Variants in SAMD5 observed in about 807,000 individuals in gnomAD.
SAMD5 encodes sterile alpha motif domain-containing protein 5.
SAMD5 carries 13 observed loss-of-function variants against 11.3 expected under a neutral mutation model. The observed-to-expected ratio is 1.15, with a 90% confidence interval of 0.75 to 1.83. SAMD5 has a LOEUF of 1.83. Among genes scored for constraint, SAMD5 ranks in the 40% most tolerant of loss-of-function variants. The pLI is 0.00. For synonymous variants in SAMD5, 129 were observed against 111.3 expected, an observed-to-expected ratio of 1.16 and a Z score of -1.00; for missense variants, 255 against 239.1, an observed-to-expected ratio of 1.07 and a Z score of -0.44.
intron 1 of SAMD5, among the ~76,000 whole-genome samples, chr6:147,632,501 G>A (rs1484867196): frequency 2.0e-5 from 3 of 152,164 alleles, no homozygotes; most frequent in Non-Finnish European, 4.4e-5. Context: ...TGGAAGTTAT[G>A]AGAACTGTAG....
At chr6:147,800,904 A>G in the SAMD5 span, among the ~76,000 whole-genome samples, 1 of 152,150 alleles carries the variant, frequency 6.6e-6, no homozygotes, top group Non-Finnish European at 1.5e-5. Flanking sequence ...ACCTTATTGA[A>G]ATAAAGTAAA....
At chr6:147,854,174 T>C in the SAMD5 span, among the ~76,000 whole-genome samples, 1 of 151,912 alleles carries the variant, frequency 6.6e-6, no homozygotes, top group Non-Finnish European at 1.5e-5. Flanking sequence ...AAAGAGAAAG[T>C]AGGAATTTCC....
At chr6:147,781,786 A>ATG in the SAMD5 span, among the ~76,000 whole-genome samples, 1 of 147,670 alleles carries the variant, frequency 6.8e-6, no homozygotes, top group Non-Finnish European at 1.5e-5. Flanking sequence ...ACACACACAC[A>ATG]CACACACACA....
chr6:147,646,498 A>T (rs1790403819), intron 1 of SAMD5, among the ~76,000 whole-genome samples: 1 of 152,170 alleles, frequency 6.6e-6, no homozygotes, highest in African/African-American at 2.4e-5. Context: ...AATAATATCC[A>T]GCTTGATACA....
chr6:147,653,489 G>T (rs1250828763), intron 1 of SAMD5, among the ~76,000 whole-genome samples: 2 of 152,150 alleles, frequency 1.3e-5, no homozygotes, highest in Non-Finnish European at 2.9e-5. Flanking sequence ...TCTTAATTAT[G>T]CTTTATATAT....
the SAMD5 span, among the ~76,000 whole-genome samples, chr6:147,921,873 C>A: frequency 3.9e-5 from 6 of 152,096 alleles, no homozygotes; most frequent in Non-Finnish European, 8.8e-5. Flanking sequence ...AAGGGAGAAT[C>A]ATTTTGAAAA....
At chr6:147,795,222 C>T in the SAMD5 span, among the ~76,000 whole-genome samples, 1 of 123,598 alleles carries the variant, frequency 8.1e-6, no homozygotes, top group Admixed American at 8.3e-5. Flanking sequence ...CCCCTCCCCC[C>T]ACCCCACAAC....
intron 1 of SAMD5, among the ~76,000 whole-genome samples, chr6:147,590,752 C>T (rs183294938): frequency 6.6e-6 from 1 of 152,284 alleles, no homozygotes; most frequent in African/African-American, 2.4e-5. Flanking sequence ...GAATGATTGA[C>T]TTCTTTATTG....
At chr6:147,908,488 C>T in the SAMD5 span, among the ~76,000 whole-genome samples, 1 of 152,314 alleles carries the variant, frequency 6.6e-6, no homozygotes, top group South Asian at 2.1e-4. Flanking sequence ...TGAACCTAAC[C>T]TAACGTGGTG....
At chr6:147,901,593 C>T in the SAMD5 span, among the ~76,000 whole-genome samples, 2 of 146,028 alleles carry the variant, frequency 1.4e-5, no homozygotes, top group Non-Finnish European at 3.0e-5. Context: ...CTATTATACT[C>T]AGGGTAGCCA....
chr6:147,515,877 A>G (rs1788163534), intron 1 of SAMD5, among the ~76,000 whole-genome samples: 1 of 152,228 alleles, frequency 6.6e-6, no homozygotes, highest in East Asian at 1.9e-4. Flanking sequence ...AAAGATAATG[A>G]ATGATGAAAT....
chr6:147,681,815 C>G (rs1790944320), intron 1 of SAMD5, among the ~76,000 whole-genome samples: 1 of 152,166 alleles, frequency 6.6e-6, no homozygotes, highest in South Asian at 2.1e-4. Flanking sequence ...CAGAACTCTT[C>G]TGAGCACTGA....
the SAMD5 span, among the ~76,000 whole-genome samples, chr6:147,944,907 T>C: frequency 7.4e-4 from 113 of 152,320 alleles, no homozygotes; most frequent in East Asian, 0.016. Flanking sequence ...TGTTGATCCA[T>C]TGTTCCAGCC....
chr6:147,730,933 CAA>C (rs1384477024), intron 1 of SAMD5, among the ~76,000 whole-genome samples: 2 of 152,126 alleles, frequency 1.3e-5, no homozygotes, highest in South Asian at 2.1e-4. Context: ...AGAGTAGACT[CAA>C]GAGAATATGA....
At chr6:147,814,822 T>TA in the SAMD5 span, among the ~76,000 whole-genome samples, 5 of 152,294 alleles carry the variant, frequency 3.3e-5, no homozygotes, top group East Asian at 7.7e-4. Context: ...TATCAGTGTT[T>TA]AGTAGTAAAT....
At chr6:147,871,377 T>C in the SAMD5 span, among the ~76,000 whole-genome samples, 1,776 of 152,312 alleles carry the variant, frequency 0.012, 17 homozygotes, top group Non-Finnish European at 0.018. Context: ...AATTTACCAT[T>C]GTACCTCTCT....
downstream of SAMD5, among the ~76,000 whole-genome samples, chr6:147,740,414 T>G (rs1486743756): frequency 6.6e-6 from 1 of 152,206 alleles, no homozygotes; most frequent in African/African-American, 2.4e-5. Context: ...TTTGAATTGA[T>G]CTCCCACTAC....
At chr6:147,774,370 C>T in the SAMD5 span, among the ~76,000 whole-genome samples, 1 of 152,070 alleles carries the variant, frequency 6.6e-6, no homozygotes, top group African/African-American at 2.4e-5. Flanking sequence ...TACAATTGTC[C>T]CTTGATATCC....
At chr6:147,926,544 T>C in the SAMD5 span, among the ~76,000 whole-genome samples, 11 of 152,028 alleles carry the variant, frequency 7.2e-5, no homozygotes, top group Middle Eastern at 3.2e-3. Flanking sequence ...TCTTGTAAAT[T>C]TTTAAGTTCC....
Sources: allele counts gnomAD v4.1 joint callset (sites outside exome capture counted in the v4.1 genomes callset), GRCh38; gene constraint gnomAD v4.1.1; transcripts MANE v1.5; gene names NCBI Gene and HGNC (gene_info 2026-07-23, HGNC 2026-07-21).